F2RL1: variants seen among roughly 807,000 people sequenced by gnomAD.
The protein encoded by F2RL1 is F2R like trypsin receptor 1.
In F2RL1, 16 loss-of-function variants were observed where a neutral mutation model predicts 21.7. The ratio of observed to expected loss-of-function variants is 0.74; its 90% CI spans 0.50 to 1.12. The LOEUF is 1.12. F2RL1 is among the 50% of genes most tolerant of loss of function. The pLI is 0.00. For synonymous variants in F2RL1, 181 were observed against 186.7 expected (o/e 0.97, Z 0.25); for missense variants, 432 against 477.8 (o/e 0.90, Z 0.89).
intron 1 of F2RL1, among the ~76,000 whole-genome samples, chr5:76,830,194 G>C (rs1284957837): frequency 6.6e-6 from 1 of 152,172 alleles, no homozygotes; most frequent in Non-Finnish European, 1.5e-5. Context: ...TCCTTGATGT[G>C]ACTCCAATCT....
chr5:76,827,272 G>A (rs929734040), intron 1 of F2RL1, among the ~76,000 whole-genome samples: 1 of 147,042 alleles, frequency 6.8e-6, no homozygotes, highest in Non-Finnish European at 1.5e-5. Context: ...ACAAGGTCAG[G>A]AGATCGAGAC....
intron 1 of F2RL1, among the ~76,000 whole-genome samples, 168 bp downstream of exon 1, chr5:76,819,432 G>T (rs948870286): frequency 3.3e-5 from 5 of 152,134 alleles, no homozygotes; most frequent in African/African-American, 1.2e-4. Flanking sequence ...AGGTCTCTGC[G>T]CCAAGGAGGC....
At chr5:76,820,291 CTGTT>C (rs944034353) in intron 1 of F2RL1, among the ~76,000 whole-genome samples, 31 of 152,314 alleles carry the variant, frequency 2.0e-4, no homozygotes, top group Non-Finnish European at 3.7e-4. Flanking sequence ...CGAGGCCCCT[CTGTT>C]TGGGGCAGCC....
At chr5:76,823,326 C>T (rs368109495) in intron 1 of F2RL1, among the ~76,000 whole-genome samples, 3 of 150,022 alleles carry the variant, frequency 2.0e-5, no homozygotes, top group Admixed American at 2.0e-4. Flanking sequence ...TTCTGGTCTC[C>T]AATCTCAGCA....
At chr5:76,827,448 G>A (rs1213768900) in intron 1 of F2RL1, among the ~76,000 whole-genome samples, 5 of 150,712 alleles carry the variant, frequency 3.3e-5, no homozygotes, top group East Asian at 2.0e-4. Context: ...GCGGTGAGCC[G>A]AGATCGCGCC....
chr5:76,830,589 TAGAAAC>T (rs1325626214), intron 1 of F2RL1, among the ~76,000 whole-genome samples: 1 of 152,142 alleles, frequency 6.6e-6, no homozygotes, highest in Non-Finnish European at 1.5e-5. Context: ...GCCTTTATCT[TAGAAAC>T]GACACTTGTC....
chr5:76,832,141 C>T (rs1750360761), intron 1 of F2RL1, among the ~76,000 whole-genome samples: 1 of 151,788 alleles, frequency 6.6e-6, no homozygotes, highest in African/African-American at 2.4e-5. Flanking sequence ...ACATGCATCC[C>T]ACAACTCCTT....
At chr5:76,831,679 G>A (rs189203409) in intron 1 of F2RL1, among the ~76,000 whole-genome samples, 4 of 151,944 alleles carry the variant, frequency 2.6e-5, no homozygotes, top group South Asian at 2.1e-4. Context: ...GATTACAGGC[G>A]CCTGCGCCTG....
rs535427440 is a variant in F2RL1 at position 76,833,909 on chromosome 5, T to C, written c.*108T>C. The C allele has an allele frequency of 4.9e-6, 6 of 1,218,842 alleles. No individual in the cohort carries two copies. In the South Asian group the frequency reaches 6.0e-5, roughly 12 times the overall value. 75.5% of individuals were successfully genotyped at this position (1,218,842 alleles called of 1,614,324 possible). On this transcript the variant is annotated 3_prime_UTR_variant, in exon 2 of 2. Transcript: ENST00000296677. ...ATCAAAAAGGTCTCACCACATACCA[T>C]GTGGATGCAGCACCTCTCAGGATTG...
chr5:76,824,240 C>T (rs1750199989), intron 1 of F2RL1, among the ~76,000 whole-genome samples: 1 of 148,556 alleles, frequency 6.7e-6, no homozygotes, highest in Non-Finnish European at 1.5e-5. Context: ...CATAGCTCAC[C>T]CCCAGCTAAT....
At position 76,833,456 on chromosome 5, in the gene F2RL1, G is replaced by C. The variant is rs1382247566; in HGVS notation, c.849G>C (p.Lys283Asn). ...AMDENSEKKR[K>N]RAIKLIVTVL... Reference sequence around the variant, plus strand: ...ATGAAAACTCAGAGAAGAAAAGGAAGAGGGCCATCAAACTCATTGTCACTG... The same window carrying C: ...ATGAAAACTCAGAGAAGAAAAGGAACAGGGCCATCAAACTCATTGTCACTG... The change falls in exon 2 of 2, where the codon AAG (lysine) becomes AAC (asparagine). Residue 283 changes from lysine (K) to asparagine (N), a missense_variant. Coordinates refer to ENST00000296677, the MANE Select transcript of F2RL1 (RefSeq NM_005242.6). 6.2e-7 allele frequency: 1 copy of C among 1,613,782 alleles called. No individual in the cohort carries two copies.
chr5:76,823,057 T>G (rs986703158), intron 1 of F2RL1, among the ~76,000 whole-genome samples: 2 of 152,056 alleles, frequency 1.3e-5, no homozygotes, highest in Non-Finnish European at 2.9e-5. Context: ...GGTGAAACCC[T>G]GTCTCTACTA....
Position 76,833,738 on chromosome 5 carries a change from G to A in F2RL1, c.1131G>A (p.Lys377=). 6.2e-7 allele frequency: 1 copy of A among 1,613,930 alleles called. No homozygotes were observed. Among genetic ancestry groups the A allele is most frequent in the East Asian group, 2.2e-5 (1 of 44,862 alleles). The change falls in exon 2 of 2, where the codon AAG becomes AAA. Residue 377 remains lysine (K), a synonymous_variant. Coordinates refer to ENST00000296677, the MANE Select transcript of F2RL1 (RefSeq NM_005242.6). ...VKQMQVSLTS[K]KHSRKSSSYS... ...AGATGCAAGTATCCCTCACCTCAAA[G>A]AAACACTCCAGGAAATCCAGCTCTT...
Position 76,827,112 on chromosome 5 carries a change from A to C in F2RL1, c.83-5578A>C, listed in dbSNP as rs2243039. Among the ~76,000 whole-genome samples the C allele has an allele frequency of 3.0e-3, 456 of 151,412 alleles. 4 individuals are homozygous for C. The highest frequency in any genetic ancestry group is 0.01 in the African/African-American group (421 of 41,306). ...GCACTTCTCCCATCTCATCCTCCCA[A>C]AGTGATAGGATTACAGGTGAGCACC... is the stretch of plus-strand genomic sequence containing the variant. On this transcript the variant is annotated intron_variant, in intron 1 of 1. Transcript: ENST00000296677.
chr5:76,821,026 C>T (rs1750122223), intron 1 of F2RL1, among the ~76,000 whole-genome samples: 1 of 151,994 alleles, frequency 6.6e-6, no homozygotes, highest in African/African-American at 2.4e-5. Flanking sequence ...GGTCTTTGCT[C>T]ACTCGCTTTT....
chr5:76,827,600 CTTTTTTTTTTT>C (rs70982643), intron 1 of F2RL1, among the ~76,000 whole-genome samples: 2 of 104,988 alleles, frequency 1.9e-5, no homozygotes, highest in Admixed American at 1.2e-4. Context: ...CATATAGTAA[CTTTTTTTTTTT>C]TTTTTTTTTT....
chr5:76,830,434 C>T (rs1375444716), intron 1 of F2RL1, among the ~76,000 whole-genome samples: 1 of 152,142 alleles, frequency 6.6e-6, no homozygotes. Flanking sequence ...CCTGCCACCA[C>T]GCCCGGCTAA....
intron 1 of F2RL1, among the ~76,000 whole-genome samples, chr5:76,831,965 G>A (rs1750356359): frequency 1.3e-5 from 2 of 151,320 alleles, no homozygotes; most frequent in Admixed American, 6.6e-5. Context: ...CTTGAAGCCA[G>A]GAGTTCGAGA....
In F2RL1 at chr5:76,833,791, C is replaced by T; in HGVS notation, c.1184C>T (p.Thr395Ile). 1 of 1,612,866 alleles carries T rather than the reference C, an allele frequency of 6.2e-7. No homozygotes were observed. The highest frequency in any genetic ancestry group is 8.5e-7 in the Non-Finnish European group (1 of 1,179,246). ...SYSSSSTTVKTSY is the reference protein window; with the variant it reads ...SYSSSSTTVKISY ...TCTTCAAGTTCAACCACTGTTAAGA[C>T]CTCCTATTGAGTTTTCCAGGTCCTC... The change falls in exon 2 of 2, where the codon ACC becomes ATC. Residue 395 changes from threonine to isoleucine, a missense_variant. Coordinates refer to ENST00000296677, the MANE Select transcript of F2RL1 (RefSeq NM_005242.6).
Sources: gnomAD v4.1 joint callset for allele counts (sites outside exome capture counted in the v4.1 genomes callset) on GRCh38, gnomAD v4.1.1 for gene constraint, MANE v1.5 for transcripts, NCBI Gene and HGNC (gene_info 2026-07-23, HGNC 2026-07-21) for gene names.